MAF: variants seen among roughly 807,000 people sequenced by gnomAD.
The protein encoded by MAF is MAF bZIP transcription factor.
A neutral mutation model predicts 22.0 loss-of-function variants in MAF; 10 were observed. That is an observed-to-expected ratio of 0.45 (90% CI 0.28 to 0.77). MAF has a LOEUF of 0.77. Ranked by LOEUF, MAF falls within the 30% of genes least tolerant of loss-of-function variation. MAF has a pLI of 0.12. For missense variants in MAF, 544 were observed against 548.4 expected (o/e 0.99, Z 0.08); for synonymous variants, 337 against 255.8 (o/e 1.32, Z -3.03).
At chr16:79,397,938 G>A in the MAF span, among the ~76,000 whole-genome samples, 1 of 152,200 alleles carries the variant, frequency 6.6e-6, no homozygotes, top group Non-Finnish European at 1.5e-5. Context: ...TATTGCTGCT[G>A]TGATAAATTA....
At chr16:79,405,617 AT>A in the MAF span, among the ~76,000 whole-genome samples, 5 of 152,142 alleles carry the variant, frequency 3.3e-5, no homozygotes, top group African/African-American at 1.2e-4. Context: ...AGTAAAGCTG[AT>A]TTTTCCAAAT....
the MAF span, among the ~76,000 whole-genome samples, chr16:79,553,034 G>C: frequency 1.3e-5 from 2 of 152,228 alleles, no homozygotes; most frequent in Non-Finnish European, 2.9e-5. Context: ...TAAATTTCCA[G>C]GTTGTGTGAT....
At chr16:79,414,058 G>A in the MAF span, among the ~76,000 whole-genome samples, 1 of 152,180 alleles carries the variant, frequency 6.6e-6, no homozygotes, top group Non-Finnish European at 1.5e-5. Context: ...TCACTGCCTA[G>A]TCTAGTACTG....
chr16:79,541,227 C>T, the MAF span, among the ~76,000 whole-genome samples: 12 of 152,272 alleles, frequency 7.9e-5, no homozygotes, highest in South Asian at 1.5e-3. Flanking sequence ...TACTCTAAGC[C>T]ACCTCATGCG....
chr16:79,599,643 T>G lies in MAF; in HGVS notation c.260A>C (p.His87Pro), dbSNP rs1031812704. Residue 87 changes from histidine (H) to proline (P), a missense_variant, in exon 1 of 2, where the codon CAC becomes CCC. Physicochemically the swap from His to Pro is moderately conservative, Grantham distance 77 (BLOSUM62 -2). Around this residue, in one of 5 missense-constraint regions of MAF, gnomAD observed 342 missense variants for 315.5 expected, o/e 1.08. Coordinates refer to ENST00000326043, the MANE Select transcript of MAF (RefSeq NM_005360.5). ...SPGSGSEQKA[H>P]LEDYYWMTGY... ...GGTCATCCAGTAGTAGTCTTCCAGG[T>G]GCGCCTTCTGCTCGCTGCCCGAGCC... is the stretch of plus-strand genomic sequence containing the variant. 4 of 1,611,430 alleles carry G rather than the reference T, an allele frequency of 2.5e-6. No individual in the cohort carries two copies. Among genetic ancestry groups the G allele is most frequent in the Non-Finnish European group, 3.4e-6 (4 of 1,179,478 alleles).
chr16:79,483,901 G>C, the MAF span, among the ~76,000 whole-genome samples: 2 of 152,184 alleles, frequency 1.3e-5, no homozygotes, highest in African/African-American at 4.8e-5. Context: ...CCCTTCTCTG[G>C]CTGGCTCCTG....
At chr16:79,465,220 G>A in the MAF span, among the ~76,000 whole-genome samples, 1 of 152,158 alleles carries the variant, frequency 6.6e-6, no homozygotes, top group Admixed American at 6.5e-5. Flanking sequence ...ATGGCAACTT[G>A]GAACCCATGG....
chr16:79,215,224 A>C, the MAF span, among the ~76,000 whole-genome samples: 1 of 152,142 alleles, frequency 6.6e-6, no homozygotes, highest in African/African-American at 2.4e-5. Context: ...AGTTGACTAT[A>C]TCCATTCTGG....
At chr16:79,533,782 G>A in the MAF span, among the ~76,000 whole-genome samples, 175 of 152,246 alleles carry the variant, frequency 1.1e-3, no homozygotes, top group African/African-American at 3.8e-3. Flanking sequence ...GATTAGCTCT[G>A]CGTGTGAGGA....
the MAF span, among the ~76,000 whole-genome samples, chr16:79,364,475 C>A: frequency 6.6e-6 from 1 of 152,136 alleles, no homozygotes; most frequent in Admixed American, 6.5e-5. Flanking sequence ...GAACCTGGAC[C>A]ACAGGAAGAG....
At chr16:79,460,238 T>G in the MAF span, among the ~76,000 whole-genome samples, 1 of 152,196 alleles carries the variant, frequency 6.6e-6, no homozygotes, top group Admixed American at 6.5e-5. Context: ...ATCGATCTAT[T>G]TCTTTATTTT....
the MAF span, among the ~76,000 whole-genome samples, chr16:79,341,341 A>C: frequency 8.5e-5 from 13 of 152,306 alleles, no homozygotes; most frequent in African/African-American, 3.1e-4. Context: ...AAATGAGCTC[A>C]TGCTGTGAAG....
At chr16:79,429,111 C>A in the MAF span, among the ~76,000 whole-genome samples, 1 of 152,120 alleles carries the variant, frequency 6.6e-6, no homozygotes, top group East Asian at 1.9e-4. Flanking sequence ...GAGCAGGAAC[C>A]TTTATAAGCT....
chr16:79,217,125 A>T, the MAF span, among the ~76,000 whole-genome samples: 1 of 152,118 alleles, frequency 6.6e-6, no homozygotes, highest in African/African-American at 2.4e-5. Context: ...TGCTACTTCT[A>T]ATTTCAGATG....
the MAF span, among the ~76,000 whole-genome samples, chr16:79,249,358 G>A: frequency 6.6e-6 from 1 of 150,972 alleles, no homozygotes; most frequent in East Asian, 1.9e-4. Flanking sequence ...GGTGGAGGTT[G>A]TGGTGAGCCA....
chr16:79,451,262 T>C, the MAF span, among the ~76,000 whole-genome samples: 1 of 152,174 alleles, frequency 6.6e-6, no homozygotes, highest in Admixed American at 6.5e-5. Context: ...TGTAGTTATG[T>C]GGTAGGCATT....
the MAF span, among the ~76,000 whole-genome samples, chr16:79,245,053 T>C: frequency 1.6e-4 from 25 of 152,094 alleles, no homozygotes; most frequent in South Asian, 2.1e-4. Flanking sequence ...TTACACTCTA[T>C]ACAAAAATTA....
chr16:79,558,661 G>T, the MAF span, among the ~76,000 whole-genome samples: 1 of 152,160 alleles, frequency 6.6e-6, no homozygotes. Context: ...TTGGAACTCA[G>T]TCCCAGGCCC....
chr16:79,224,262 CAT>C, the MAF span, among the ~76,000 whole-genome samples: 5 of 152,184 alleles, frequency 3.3e-5, no homozygotes, highest in Admixed American at 3.3e-4. Context: ...ATAAAAACCA[CAT>C]GATTCTCGCA....
Sources: allele counts gnomAD v4.1 joint callset (sites outside exome capture counted in the v4.1 genomes callset), GRCh38; gene constraint gnomAD v4.1.1; regional missense constraint gnomAD v4.1.1; transcripts MANE v1.5; gene names NCBI Gene and HGNC (gene_info 2026-07-23, HGNC 2026-07-21).